The following MYO1B variants were observed in gnomAD, a reference collection of about 807,000 sequenced individuals.
The protein encoded by MYO1B is myosin IB, also known as unconventional myosin-Ib.
MYO1B carries 72 observed loss-of-function variants against 159.7 expected under a neutral mutation model. The observed-to-expected ratio is 0.45, with a 90% confidence interval of 0.37 to 0.55. MYO1B has a LOEUF of 0.55. Among genes scored for constraint, MYO1B ranks in the 20% least tolerant of loss-of-function variants. The probability of loss-of-function intolerance (pLI) is 0.00; values close to 1 mark genes in which losing one functional copy is unlikely to be tolerated. For missense variants in MYO1B, 1,062 were observed against 1,364.8 expected (o/e 0.78, Z 3.50); for synonymous variants, 468 against 473.8 (o/e 0.99, Z 0.16).
chr2:191,340,519 T>G, intron 4 of MYO1B, among the ~76,000 whole-genome samples: 1 of 152,194 alleles, frequency 6.6e-6, no homozygotes, highest in Admixed American at 6.5e-5. Context: ...AGCTAAAAAA[T>G]TTTTAGGTGG....
At chr2:191,352,755 C>T (rs1199786296) in intron 7 of MYO1B, among the ~76,000 whole-genome samples, 1 of 152,168 alleles carries the variant, frequency 6.6e-6, no homozygotes, top group African/African-American at 2.4e-5. Context: ...CAGGAAATTT[C>T]ATCCTGTATA....
chr2:191,381,052 AGGGGTC>A (rs1695011351), intron 13 of MYO1B: 1 of 295,386 alleles, frequency 3.4e-6, no homozygotes, highest in Admixed American at 4.7e-5. Context: ...GGGGACAATA[AGGGGTC>A]AGTTCAGGGG....
intron 18 of MYO1B, among the ~76,000 whole-genome samples, chr2:191,391,646 T>G (rs1244646111): frequency 1.3e-5 from 2 of 152,214 alleles, no homozygotes; most frequent in African/African-American, 4.8e-5. Flanking sequence ...TTGCTCCCGC[T>G]GGGTAAGGCC....
chr2:191,360,403 G>A (rs1319800071), intron 7 of MYO1B, among the ~76,000 whole-genome samples: 8 of 152,146 alleles, frequency 5.3e-5, no homozygotes, highest in African/African-American at 1.9e-4. Context: ...TGTTTTGAAT[G>A]TAACTTATTT....
At chr2:191,402,344 A>G in intron 23 of MYO1B, 1 of 403,576 alleles carries the variant, frequency 2.5e-6, no homozygotes, top group Non-Finnish European at 4.6e-6. Context: ...ACAGAGAGAG[A>G]GAACAGGAGA....
At chr2:191,379,899 G>A (rs970900433) in intron 13 of MYO1B, among the ~76,000 whole-genome samples, 7 of 152,158 alleles carry the variant, frequency 4.6e-5, no homozygotes, top group African/African-American at 1.4e-4. Context: ...TTAGCTCTGC[G>A]AATTTGAGCA....
intron 1 of MYO1B, among the ~76,000 whole-genome samples, chr2:191,254,552 C>G (rs1005938852): frequency 1.3e-5 from 2 of 151,810 alleles, no homozygotes; most frequent in African/African-American, 4.8e-5. Flanking sequence ...GTTGCATAGG[C>G]TGGAATGCAA....
At chr2:191,384,093 A>C (rs1471120149) in intron 15 of MYO1B, among the ~76,000 whole-genome samples, 1 of 152,204 alleles carries the variant, frequency 6.6e-6, no homozygotes, top group African/African-American at 2.4e-5. Context: ...AAAGTGTGAA[A>C]AATTATTGGA....
intron 3 of MYO1B, 102 bp downstream of exon 3, chr2:191,296,328 G>T: frequency 2.5e-6 from 1 of 400,838 alleles, no homozygotes; most frequent in Non-Finnish European, 3.5e-6. Context: ...TAATGTTTTT[G>T]TCAGTTTTTT....
chr2:191,330,038 C>T lies in MYO1B; in HGVS notation c.346+9C>T, dbSNP rs757744820. 1.9e-6 allele frequency: 3 copies of T among 1,608,484 alleles called. No individual in the cohort carries two copies. The highest frequency in any genetic ancestry group is 2.6e-6 in the Non-Finnish European group (3 of 1,176,336). ...TGGAGCAGGAAAAACAGGTAAGGCT[C>T]CTACCAAGCAACTCTGCAGAAGGTA... is the stretch of plus-strand genomic sequence containing the variant. On this transcript the variant is annotated intron_variant, in intron 4 of 30. Coordinates refer to ENST00000392318, the MANE Select transcript of MYO1B (RefSeq NM_001130158.3).
intron 4 of MYO1B, among the ~76,000 whole-genome samples, chr2:191,336,143 A>T (rs1691819574): frequency 1.3e-5 from 2 of 152,166 alleles, no homozygotes; most frequent in Admixed American, 1.3e-4. Flanking sequence ...TGAGAAGATG[A>T]TCCCAACGTT....
chr2:191,397,797 A>T (rs535450794), intron 21 of MYO1B, among the ~76,000 whole-genome samples: 1 of 142,950 alleles, frequency 7.0e-6, no homozygotes, highest in South Asian at 2.3e-4. Context: ...CACCTCCCGG[A>T]TGGGGCGTCT....
At chr2:191,383,156 T>G in intron 14 of MYO1B, 124 bp from the exon 15 acceptor site, 2 of 559,506 alleles carry the variant, frequency 3.6e-6, no homozygotes, top group Non-Finnish European at 6.2e-6. Context: ...CAGTACCCAT[T>G]CTATAAAGAA....
At chr2:191,261,617 G>A (rs1686815732) in intron 1 of MYO1B, among the ~76,000 whole-genome samples, 1 of 152,130 alleles carries the variant, frequency 6.6e-6, no homozygotes, top group South Asian at 2.1e-4. Flanking sequence ...CAGAGGGGAC[G>A]CCTGCTGCAA....
At position 191,387,320 on chromosome 2, in the gene MYO1B, A is replaced by G; in HGVS notation, c.1651A>G (p.Lys551Glu). Reference protein sequence around the residue: ...AMWKASHALIKSLFPEGNPAK... With the variant: ...AMWKASHALIESLFPEGNPAK... ...GTGGAAGGCCAGCCATGCCCTCATC[A>G]AGTCTTTGTTCCCCGAAGGGAATCC... Residue 551 changes from lysine to glutamate, a missense_variant, in exon 17 of 31, where the codon AAG becomes GAG. Lys to Glu is a moderately conservative substitution (Grantham distance 56). Coordinates refer to ENST00000392318, the MANE Select transcript of MYO1B (RefSeq NM_001130158.3). The G allele has an allele frequency of 1.9e-6, 3 of 1,614,172 alleles. No individual in the cohort carries two copies. Among genetic ancestry groups the G allele is most frequent in the Non-Finnish European group, 8.5e-7 (1 of 1,180,026 alleles).
At chr2:191,369,206 T>C (rs1694205159) in intron 11 of MYO1B, among the ~76,000 whole-genome samples, 2 of 152,326 alleles carry the variant, frequency 1.3e-5, no homozygotes, top group South Asian at 4.1e-4. Context: ...GTAACATTAC[T>C]CTCAGTGCAT....
At chr2:191,380,289 C>A (rs1282174632) in intron 13 of MYO1B, among the ~76,000 whole-genome samples, 3 of 152,172 alleles carry the variant, frequency 2.0e-5, no homozygotes, top group African/African-American at 7.2e-5. Flanking sequence ...GACTTTTTCA[C>A]TTCTATCATG....
intron 1 of MYO1B, among the ~76,000 whole-genome samples, chr2:191,252,607 G>A (rs961139550): frequency 5.3e-5 from 8 of 152,174 alleles, no homozygotes; most frequent in African/African-American, 1.9e-4. Flanking sequence ...ATTGAAAAGT[G>A]TCTTAAAGGT....
chr2:191,299,954 ATTG>A (rs796461566), intron 3 of MYO1B, among the ~76,000 whole-genome samples: 23 of 152,356 alleles, frequency 1.5e-4, no homozygotes, highest in African/African-American at 5.0e-4. Context: ...AATTATAGCA[ATTG>A]TTGTAATAAT....
Sources: gnomAD v4.1 joint callset for allele counts (sites outside exome capture counted in the v4.1 genomes callset) on GRCh38, gnomAD v4.1.1 for gene constraint, MANE v1.5 for transcripts, NCBI Gene and HGNC (gene_info 2026-07-23, HGNC 2026-07-21) for gene names.